Variants in KHDRBS2 observed in about 807,000 individuals in gnomAD.
The protein encoded by KHDRBS2 is KH domain-containing, RNA-binding, signal transduction-associated protein 2.
KHDRBS2 carries 26 observed loss-of-function variants against 44.3 expected under a neutral mutation model. That is an observed-to-expected ratio of 0.59 (90% CI 0.43 to 0.81). The LOEUF (loss-of-function observed/expected upper bound fraction) is 0.81, where lower values mean the gene tolerates loss of function less well. Ranked by LOEUF, KHDRBS2 falls within the 40% of genes least tolerant of loss-of-function variation. The pLI, the probability that KHDRBS2 is intolerant of heterozygous loss-of-function variation, is 0.00. For synonymous variants in KHDRBS2, 194 were observed against 151.1 expected (o/e 1.28, Z -2.08); for missense variants, 476 against 433.1 (o/e 1.10, Z -0.88).
At chr6:61,624,879 G>C in the KHDRBS2 span, among the ~76,000 whole-genome samples, 2 of 152,172 alleles carry the variant, frequency 1.3e-5, no homozygotes. Context: ...GGAGGTCCTA[G>C]TCTGCAAAAG....
intron 3 of KHDRBS2, among the ~76,000 whole-genome samples, chr6:61,991,151 G>T (rs535379634): frequency 1.1e-3 from 167 of 152,084 alleles, no homozygotes; most frequent in Non-Finnish European, 2.1e-3. Flanking sequence ...ACAACGTTTA[G>T]ACCACCTGGA....
intron 2 of KHDRBS2, among the ~76,000 whole-genome samples, chr6:62,086,935 C>T (rs1271746661): frequency 1.4e-5 from 2 of 140,720 alleles, no homozygotes; most frequent in South Asian, 2.3e-4. Context: ...CAGAACAGTG[C>T]AATAACTGAA....
At chr6:61,579,947 C>T in the KHDRBS2 span, among the ~76,000 whole-genome samples, 4 of 151,698 alleles carry the variant, frequency 2.6e-5, no homozygotes, top group Admixed American at 6.6e-5. Context: ...ATCCCAGCTA[C>T]TTGGGAGGCT....
At chr6:62,226,032 T>C (rs1335389333) in intron 1 of KHDRBS2, among the ~76,000 whole-genome samples, 3 of 152,356 alleles carry the variant, frequency 2.0e-5, no homozygotes, top group East Asian at 1.9e-4. Context: ...GAATGACTTA[T>C]AATCCTTTGG....
At chr6:61,801,883 G>T (rs558355312) in intron 6 of KHDRBS2, among the ~76,000 whole-genome samples, 1 of 152,108 alleles carries the variant, frequency 6.6e-6, no homozygotes, top group Non-Finnish European at 1.5e-5. Context: ...ATGTAATTAA[G>T]ACCTCAATTC....
At chr6:61,769,326 GT>G (rs1265596282) in intron 6 of KHDRBS2, among the ~76,000 whole-genome samples, 1 of 152,096 alleles carries the variant, frequency 6.6e-6, no homozygotes, top group Non-Finnish European at 1.5e-5. Context: ...AGGACAGTGG[GT>G]GCAGCGCACT....
intron 3 of KHDRBS2, among the ~76,000 whole-genome samples, chr6:61,983,238 T>TTCTTTCTTTTTC (rs763690404): frequency 1.2e-5 from 1 of 81,038 alleles, no homozygotes; most frequent in African/African-American, 4.2e-5. Flanking sequence ...CTTTCTTTCT[T>TTCTTTCTTTTTC]TTTTTTTTTT....
chr6:61,899,545 A>G (rs1314703223), intron 5 of KHDRBS2, among the ~76,000 whole-genome samples: 1 of 151,968 alleles, frequency 6.6e-6, no homozygotes, highest in African/African-American at 2.4e-5. Context: ...GCCATAAAGC[A>G]CTATCCTGTT....
intron 1 of KHDRBS2, among the ~76,000 whole-genome samples, chr6:62,183,572 C>T (rs1317666649): frequency 1.3e-5 from 2 of 151,494 alleles, no homozygotes; most frequent in East Asian, 3.9e-4. Context: ...AAAGAAGTTT[C>T]TAGTTCTATG....
At chr6:61,824,035 T>C (rs1790435329) in intron 6 of KHDRBS2, among the ~76,000 whole-genome samples, 1 of 152,138 alleles carries the variant, frequency 6.6e-6, no homozygotes, top group African/African-American at 2.4e-5. Context: ...AGAAAATTTT[T>C]TAATTTTAAT....
chr6:61,925,685 G>A (rs1808821372), intron 4 of KHDRBS2, among the ~76,000 whole-genome samples: 1 of 148,726 alleles, frequency 6.7e-6, no homozygotes, highest in Non-Finnish European at 1.5e-5. Context: ...TTGGACCACT[G>A]CACTCTAGCC....
chr6:61,651,867 T>C, the KHDRBS2 span, among the ~76,000 whole-genome samples: 2 of 152,122 alleles, frequency 1.3e-5, no homozygotes, highest in African/African-American at 4.8e-5. Flanking sequence ...ACAGTAGATA[T>C]AGGAATGCCC....
At chr6:61,941,821 G>T (rs1812185558) in intron 4 of KHDRBS2, among the ~76,000 whole-genome samples, 2 of 152,156 alleles carry the variant, frequency 1.3e-5, no homozygotes, top group African/African-American at 4.8e-5. Context: ...CACCAGATGT[G>T]CAGATGTCAA....
intron 6 of KHDRBS2, among the ~76,000 whole-genome samples, chr6:61,862,845 G>T (rs1411233502): frequency 6.6e-6 from 1 of 152,216 alleles, no homozygotes; most frequent in African/African-American, 2.4e-5. Flanking sequence ...GAATGGGTTA[G>T]GGAGGAATCT....
At chr6:62,047,825 G>T (rs1309003391) in intron 3 of KHDRBS2, 53 bp downstream of exon 3, 2 of 1,143,750 alleles carry the variant, frequency 1.7e-6, no homozygotes, top group African/African-American at 3.0e-5. Context: ...TTGGCCTTCA[G>T]TGTTATAGGT....
intron 6 of KHDRBS2, among the ~76,000 whole-genome samples, chr6:61,838,875 G>A (rs1221754496): frequency 3.3e-5 from 5 of 151,990 alleles, no homozygotes; most frequent in Non-Finnish European, 7.4e-5. Context: ...TGTTTTGCAA[G>A]TTTAAAGTTT....
chr6:62,082,463 A>C (rs1160253752), intron 2 of KHDRBS2, among the ~76,000 whole-genome samples: 2 of 152,098 alleles, frequency 1.3e-5, no homozygotes, highest in Non-Finnish European at 2.9e-5. Flanking sequence ...GATAAATCTT[A>C]AGGCTGTCCA....
chr6:61,548,427 T>C, the KHDRBS2 span, among the ~76,000 whole-genome samples: 3 of 152,118 alleles, frequency 2.0e-5, no homozygotes, highest in Non-Finnish European at 4.4e-5. Flanking sequence ...CAGATTTGAT[T>C]AAGTCTAGGA....
chr6:62,108,351 A>T (rs570594957), intron 2 of KHDRBS2, among the ~76,000 whole-genome samples: 6 of 152,338 alleles, frequency 3.9e-5, no homozygotes, highest in Admixed American at 3.9e-4. Flanking sequence ...AAAAATGCTC[A>T]CCATCACTGG....
Sources: allele counts gnomAD v4.1 joint callset (sites outside exome capture counted in the v4.1 genomes callset), GRCh38; gene constraint gnomAD v4.1.1; transcripts MANE v1.5; gene names NCBI Gene and HGNC (gene_info 2026-07-23, HGNC 2026-07-21).